Variants in MTR observed in about 807,000 individuals in gnomAD.
The protein encoded by MTR is methionine synthase.
MTR carries 84 observed loss-of-function variants against 154.8 expected under a neutral mutation model. The ratio of observed to expected loss-of-function variants is 0.54; its 90% CI spans 0.45 to 0.65. The LOEUF is 0.65. MTR is among the 30% of genes least tolerant of loss of function. The probability of loss-of-function intolerance (pLI) is 0.00; values close to 1 mark genes in which losing one functional copy is unlikely to be tolerated. For synonymous variants in MTR, 554 were observed against 553.9 expected, an observed-to-expected ratio of 1.00 and a Z score of 0.00; for missense variants, 1,275 against 1,570.2, an observed-to-expected ratio of 0.81 and a Z score of 3.18.
chr1:236,826,767 T>C (rs1662311764), intron 10 of MTR, 62 bp from the exon 11 acceptor site: 2 of 1,326,712 alleles, frequency 1.5e-6, no homozygotes, highest in Non-Finnish European at 2.2e-6. Context: ...TATGTTGAAT[T>C]GGTGGTAATG....
At chr1:236,894,245 G>A (rs1666493258) in intron 29 of MTR, 112 bp from the exon 30 acceptor site, 2 of 990,262 alleles carry the variant, frequency 2.0e-6, no homozygotes, top group South Asian at 2.7e-5. Flanking sequence ...TGCCATCTGT[G>A]CGTTGTGAAG....
chr1:236,815,035 AACAGC>A (rs1203130565), intron 6 of MTR, among the ~76,000 whole-genome samples: 1 of 152,252 alleles, frequency 6.6e-6, no homozygotes, highest in Non-Finnish European at 1.5e-5. Context: ...ATGTGGACTG[AACAGC>A]ACAGAATGAC....
intron 29 of MTR, among the ~76,000 whole-genome samples, chr1:236,892,184 A>G (rs535082433): frequency 3.3e-5 from 5 of 152,308 alleles, no homozygotes; most frequent in African/African-American, 9.6e-5. Context: ...CAGAAATAAT[A>G]ATGTTGGCTG....
chr1:236,863,722 A>G (rs866786244), intron 22 of MTR, among the ~76,000 whole-genome samples, 168 bp downstream of exon 22: 3 of 152,354 alleles, frequency 2.0e-5, no homozygotes, highest in Admixed American at 6.5e-5. Flanking sequence ...ACGTGAACAC[A>G]GCATTTCAAA....
chr1:236,889,312 A>G lies in MTR; in HGVS notation c.2983A>G (p.Lys995Glu), dbSNP rs143338646. 3 of 1,614,084 alleles carry G rather than the reference A, an allele frequency of 1.9e-6. No individual in the cohort carries two copies. The African/African-American group carries it at 4.0e-5, about 22-fold the overall frequency. The change falls in exon 28 of 33, where the codon AAG becomes GAG. Residue 995 changes from lysine (K) to glutamate (E), a missense_variant. Coordinates refer to ENST00000366577, the MANE Select transcript of MTR (RefSeq NM_000254.3). Reference sequence around the variant, plus strand: ...CAAGTACCCGAATCGAGGCTTTCCCAAGATATTTAACGACAAAACAGTAGG... The same window carrying G: ...CAAGTACCCGAATCGAGGCTTTCCCGAGATATTTAACGACAAAACAGTAGG... ...RGKYPNRGFPKIFNDKTVGGE... is the reference protein window; with the variant it reads ...RGKYPNRGFPEIFNDKTVGGE...
chr1:236,832,941 C>G (rs1408243308), intron 13 of MTR, among the ~76,000 whole-genome samples: 2 of 152,226 alleles, frequency 1.3e-5, no homozygotes, highest in African/African-American at 4.8e-5. Context: ...CTCTGTTGGT[C>G]CTCTTCCCCT....
rs886046220 is a variant in MTR at position 236,853,077 on chromosome 1, C to T, written c.1942C>T (p.Arg648Cys). The change falls in exon 18 of 33, where the codon CGT (arginine) becomes TGT (cysteine). Residue 648 changes from arginine to cysteine, a missense_variant. Arg to Cys is a radical substitution (Grantham distance 180, BLOSUM62 -3). Transcript: ENST00000366577. Reference protein sequence around the residue: ...KDPEATEKLLRYAQTQGTGGK... With the variant: ...KDPEATEKLLCYAQTQGTGGK... ...CCCTGAGGCCACTGAGAAGCTCTTA[C>T]GTTATGCCCAGGTAGAGAGACAAGT... is the stretch of plus-strand genomic sequence containing the variant. 6.2e-6 allele frequency: 10 copies of T among 1,613,860 alleles called. 1 individual carries two copies. Among genetic ancestry groups the T allele is most frequent in the South Asian group, 2.2e-5 (2 of 91,086 alleles).
chr1:236,817,425 C>T (rs552790222), intron 8 of MTR, among the ~76,000 whole-genome samples: 55 of 152,222 alleles, frequency 3.6e-4, no homozygotes, highest in African/African-American at 1.2e-3. Flanking sequence ...CGATGTTCTT[C>T]GTTTACTTTT....
intron 12 of MTR, among the ~76,000 whole-genome samples, chr1:236,829,576 CCT>C (rs1364108668): frequency 6.6e-6 from 1 of 152,144 alleles, no homozygotes; most frequent in Non-Finnish European, 1.5e-5. Flanking sequence ...TTGGCCACAG[CCT>C]AACAATTTTA....
At chr1:236,886,958 CTCTTTT>C (rs1666044198) in intron 27 of MTR, among the ~76,000 whole-genome samples, 1 of 149,848 alleles carries the variant, frequency 6.7e-6, no homozygotes, top group African/African-American at 2.5e-5. Flanking sequence ...ATGTTTCCCT[CTCTTTT>C]TATTTCTTTT....
chr1:236,852,466 A>G (rs1663964716), intron 16 of MTR, 55 bp from the exon 17 acceptor site: 2 of 1,269,992 alleles, frequency 1.6e-6, no homozygotes, highest in Non-Finnish European at 2.3e-6. Flanking sequence ...AAGAGATGTG[A>G]TTGCTGTTTT....
intron 29 of MTR, among the ~76,000 whole-genome samples, chr1:236,893,716 G>C (rs1666461691): frequency 6.6e-6 from 1 of 152,142 alleles, no homozygotes; most frequent in African/African-American, 2.4e-5. Context: ...ATGAGCTGAG[G>C]GTGAAAAATG....
At chr1:236,863,367 C>A in intron 21 of MTR, 87 bp from the exon 22 acceptor site, 1 of 1,024,112 alleles carries the variant, frequency 9.8e-7, no homozygotes, top group Non-Finnish European at 1.5e-6. Context: ...GAATTGCTTT[C>A]TGTGCTGGCC....
In MTR at chr1:236,795,736, C is replaced by T. The variant is rs552329149; in HGVS notation, c.33C>T (p.Pro11=). Reference sequence around the variant, plus strand: ...CCGCGCTCCAAGACCTGTCGCAACCCGGTAACGCTGCGACCCCGTCTGCGT... The same window carrying T: ...CCGCGCTCCAAGACCTGTCGCAACCTGGTAACGCTGCGACCCCGTCTGCGT... The part of the protein sequence containing the change: MSPALQDLSQ[P]EGLKKTLRDE... The change falls in exon 1 of 33, where the codon CCC becomes CCT. Residue 11 remains proline (P), a splice_region_variant and synonymous_variant. Coordinates refer to ENST00000366577, the MANE Select transcript of MTR (RefSeq NM_000254.3). The T allele has an allele frequency of 8.2e-5, 133 of 1,614,036 alleles. 2 individuals carry two copies. The South Asian group carries it at 1.3e-3, about 16-fold the overall frequency.
intron 18 of MTR, among the ~76,000 whole-genome samples, chr1:236,854,161 A>G (rs1244955617): frequency 6.6e-6 from 1 of 152,216 alleles, no homozygotes; most frequent in African/African-American, 2.4e-5. Flanking sequence ...AGGATAGGAC[A>G]CTATGAGATT....
At chr1:236,842,122 A>T (rs1663284667) in intron 15 of MTR, among the ~76,000 whole-genome samples, 1 of 152,030 alleles carries the variant, frequency 6.6e-6, no homozygotes, top group South Asian at 2.1e-4. Context: ...CGATCTCCTG[A>T]CCTCGTGATC....
At position 236,885,147 on chromosome 1, in the gene MTR, A is replaced by G. The variant is rs780615625; in HGVS notation, c.2703A>G (p.Leu901=). Residue 901 remains leucine, a synonymous_variant, in exon 26 of 33, where the codon CTA becomes CTG. Coordinates refer to ENST00000366577, the MANE Select transcript of MTR (RefSeq NM_000254.3). ...VVCSQLLDEN[L]KDEYFEEIME... ...GTTCCCAGCTGTTAGATGAAAATCT[A>G]AAGGATGAATACTTTGAGGAAATCA... 125 of 1,608,974 alleles carry G rather than the reference A, an allele frequency of 7.8e-5. No individual in the cohort carries two copies. The Admixed American group carries it at 2.0e-3, about 26-fold the overall frequency.
intron 12 of MTR, 28 bp downstream of exon 12, chr1:236,829,296 AT>A: frequency 6.4e-7 from 1 of 1,571,216 alleles, no homozygotes; most frequent in Non-Finnish European, 8.8e-7. Flanking sequence ...GGTATTCCTG[AT>A]TGCAGAAACC....
In MTR at chr1:236,831,950, T is replaced by C. The variant is rs1363188046; in HGVS notation, c.1076-16T>C. 19 of 1,605,306 alleles carry C rather than the reference T, an allele frequency of 1.2e-5. No homozygotes were observed. The highest frequency in any genetic ancestry group is 2.7e-5 in the African/African-American group (2 of 74,740). On this transcript the variant is annotated splice_polypyrimidine_tract_variant and intron_variant, in intron 12 of 32. Coordinates refer to ENST00000366577, the MANE Select transcript of MTR (RefSeq NM_000254.3). ...ATGCATTTGCAGAAATTTTTCAAAA[T>C]GCTTCTCCTTTTAAGGTCTAGAGCC...
Sources: gnomAD v4.1 joint callset for allele counts (sites outside exome capture counted in the v4.1 genomes callset) on GRCh38, gnomAD v4.1.1 for gene constraint, MANE v1.5 for transcripts, NCBI Gene and HGNC (gene_info 2026-07-23, HGNC 2026-07-21) for gene names.